MMS22L: variants seen among roughly 807,000 people sequenced by gnomAD.
MMS22L encodes MMS22 like, DNA repair protein.
In MMS22L, 74 loss-of-function variants were observed where a neutral mutation model predicts 159.1. The observed-to-expected ratio is 0.47, with a 90% CI of 0.39 to 0.56. The LOEUF (loss-of-function observed/expected upper bound fraction) is 0.56, where lower values mean the gene tolerates loss of function less well. Ranked by LOEUF, MMS22L falls within the 20% of genes least tolerant of loss-of-function variation. MMS22L has a pLI of 0.00. For missense variants in MMS22L, 1,351 were observed against 1,422.1 expected (o/e 0.95, Z 0.80); for synonymous variants, 517 against 506.9 (o/e 1.02, Z -0.27).
In MMS22L at chr6:97,254,748, G is replaced by T; in HGVS notation, c.943-15C>A. The T allele has an allele frequency of 1.3e-6, 2 of 1,569,718 alleles. No homozygotes were observed. Among genetic ancestry groups the T allele is most frequent in the South Asian group, 2.4e-5 (2 of 83,218 alleles). ...TTCCAAAATGACTATAGAAACAGAA[G>T]TAATTTGATTCCATTAAGACAGTTT... is the stretch of plus-strand genomic sequence containing the variant. On this transcript the variant is annotated splice_polypyrimidine_tract_variant and intron_variant, in intron 9 of 24. Coordinates refer to ENST00000683635, the MANE Select transcript of MMS22L (RefSeq NM_001350599.2).
At chr6:97,245,974 C>T (rs1812597982) in intron 11 of MMS22L, 7 of 226,400 alleles carry the variant, frequency 3.1e-5, no homozygotes, top group South Asian at 1.1e-4. Flanking sequence ...AAAATATTTC[C>T]CAAATTCCAA....
At chr6:97,236,149 G>A (rs977562709) in intron 11 of MMS22L, among the ~76,000 whole-genome samples, 4 of 151,794 alleles carry the variant, frequency 2.6e-5, no homozygotes, top group Non-Finnish European at 2.9e-5. Flanking sequence ...CCAACATGGC[G>A]AAACCCCATC....
intron 11 of MMS22L, among the ~76,000 whole-genome samples, chr6:97,236,882 C>A (rs1174102972): frequency 6.7e-6 from 1 of 149,662 alleles, no homozygotes; most frequent in Non-Finnish European, 1.5e-5. Flanking sequence ...ACCTGGGAGG[C>A]GAAGCTTGCA....
chr6:97,265,194 C>T (rs894718429), intron 8 of MMS22L: 6 of 152,160 alleles, frequency 3.9e-5, no homozygotes, highest in African/African-American at 1.4e-4. Context: ...AGCACACAAA[C>T]AGACACAGAA....
chr6:97,215,752 T>C (rs79771805), intron 14 of MMS22L, among the ~76,000 whole-genome samples: 1 of 146,984 alleles, frequency 6.8e-6, no homozygotes, highest in Admixed American at 6.8e-5. Context: ...CTTTTCAAGA[T>C]AAAAAAAAAA....
chr6:97,251,482 C>T (rs918556648), intron 10 of MMS22L, among the ~76,000 whole-genome samples: 2 of 152,120 alleles, frequency 1.3e-5, no homozygotes, highest in Admixed American at 1.3e-4. Context: ...TTTAGGAAAT[C>T]CAGAAATAAA....
Position 97,269,999 on chromosome 6 carries a change from A to G in MMS22L, c.607-7T>C, listed in dbSNP as rs747317475. On this transcript the variant is annotated splice_polypyrimidine_tract_variant and splice_region_variant and intron_variant, in intron 6 of 24. Transcript: ENST00000683635. ...GCCATGACGGTGGAAAAAGCTGTGG[A>G]TGACATTATCAACTGTGATTGAGAA... The G allele has an allele frequency of 6.2e-7, 1 of 1,605,504 alleles. No individual in the cohort carries two copies. The highest frequency in any genetic ancestry group is 1.3e-5 in the African/African-American group (1 of 74,908).
In MMS22L at chr6:97,145,725, A is replaced by G. The variant is rs1800901656; in HGVS notation, c.*1081T>C. On this transcript the variant is annotated 3_prime_UTR_variant, in exon 25 of 25. Transcript: ENST00000683635. ...GATTCTTCTTTTCTTCTCCATGAAG[A>G]AACTAGACTGAGAAAGGTTACGTAA... is the stretch of plus-strand genomic sequence containing the variant. The G allele has an allele frequency of 6.6e-6, 1 of 152,160 alleles. No homozygotes were observed. Among genetic ancestry groups the G allele is most frequent in the Non-Finnish European group, 1.5e-5 (1 of 67,996 alleles). The allele number at this position is 152,160 out of a possible 1,614,324, so 9.4% of individuals were successfully genotyped here.
At chr6:97,222,168 C>A (rs1809726218) in intron 14 of MMS22L, among the ~76,000 whole-genome samples, 1 of 151,928 alleles carries the variant, frequency 6.6e-6, no homozygotes, top group Non-Finnish European at 1.5e-5. Context: ...TAATACCATA[C>A]CAATAAAACT....
chr6:97,229,739 A>C (rs991687006), intron 13 of MMS22L, among the ~76,000 whole-genome samples: 4 of 152,188 alleles, frequency 2.6e-5, no homozygotes, highest in African/African-American at 9.7e-5. Context: ...GTAAATAAGA[A>C]AGAATATATA....
chr6:97,231,766 C>G lies in MMS22L; in HGVS notation c.1303-114G>C, dbSNP rs1022373295. 5 of 691,732 alleles carry G rather than the reference C, an allele frequency of 7.2e-6. No homozygotes were observed. The South Asian group carries it at 9.7e-5, about 13-fold the overall frequency. 42.8% of individuals were successfully genotyped at this position (691,732 alleles called of 1,614,324 possible). On this transcript the variant is annotated intron_variant, in intron 12 of 24. Coordinates refer to ENST00000683635, the MANE Select transcript of MMS22L (RefSeq NM_001350599.2). ...TCAAAAGTCTGACTCATCTTAATCA[C>G]AAAAACTACATGAACACGATTCTCT...
At chr6:97,183,019 G>C (rs951945215) in intron 15 of MMS22L, among the ~76,000 whole-genome samples, 1 of 152,040 alleles carries the variant, frequency 6.6e-6, no homozygotes, top group Admixed American at 6.6e-5. Context: ...CTGATTTAAT[G>C]AATCTATCTT....
intron 3 of MMS22L, among the ~76,000 whole-genome samples, chr6:97,279,236 C>A (rs1816522515): frequency 1.3e-5 from 2 of 152,180 alleles, no homozygotes; most frequent in South Asian, 4.1e-4. Context: ...GTAATCCCAG[C>A]ACTTTGGGAG....
chr6:97,234,092 T>C, intron 11 of MMS22L, 112 bp from the exon 12 acceptor site: 1 of 1,172,720 alleles, frequency 8.5e-7, no homozygotes, highest in African/African-American at 1.6e-5. Flanking sequence ...TAAATATGTG[T>C]CACCCAATCA....
rs1320408047 is a variant in MMS22L at position 97,250,391 on chromosome 6, C to T, written c.1120-3701G>A. Among the ~76,000 whole-genome samples, 5 of 152,258 alleles carry T rather than the reference C, an allele frequency of 3.3e-5. No individual in the cohort carries two copies. The East Asian group carries it at 5.8e-4, about 18-fold the overall frequency. ...ACTTTTATCTGGTTACTATTTCAGA[C>T]GATTCAAAGACGAGCATCAGCTAGC... On this transcript the variant is annotated intron_variant, in intron 10 of 24. Transcript: ENST00000683635.
chr6:97,170,021 A>G (rs1803364016), intron 19 of MMS22L, among the ~76,000 whole-genome samples: 1 of 152,188 alleles, frequency 6.6e-6, no homozygotes. Context: ...CATAACTTTT[A>G]TTAGAGTCTA....
chr6:97,193,165 G>C (rs1806071856), intron 14 of MMS22L, among the ~76,000 whole-genome samples: 1 of 152,118 alleles, frequency 6.6e-6, no homozygotes, highest in African/African-American at 2.4e-5. Context: ...AATACTTCTG[G>C]GGAGTGCCAG....
chr6:97,208,173 C>T (rs1291095008), intron 14 of MMS22L, among the ~76,000 whole-genome samples: 1 of 152,110 alleles, frequency 6.6e-6, no homozygotes, highest in Non-Finnish European at 1.5e-5. Context: ...CAATCCCAGT[C>T]ATGACTTCAA....
chr6:97,154,875 A>T (rs1801671221), intron 22 of MMS22L, among the ~76,000 whole-genome samples: 1 of 152,144 alleles, frequency 6.6e-6, no homozygotes, highest in Non-Finnish European at 1.5e-5. Context: ...ACATGTTTTG[A>T]AATCAAGAAG....
Sources: gnomAD v4.1 joint callset for allele counts (sites outside exome capture counted in the v4.1 genomes callset) on GRCh38, gnomAD v4.1.1 for gene constraint, MANE v1.5 for transcripts, NCBI Gene and HGNC (gene_info 2026-07-23, HGNC 2026-07-21) for gene names.